The following NDUFAF6 variants were observed in gnomAD, a reference collection of about 807,000 sequenced individuals.
NDUFAF6 encodes NADH dehydrogenase (ubiquinone) complex I, assembly factor 6.
NDUFAF6 carries 45 observed loss-of-function variants against 40.8 expected under a neutral mutation model. The observed-to-expected ratio is 1.10, with a 90% CI of 0.87 to 1.42. The LOEUF (loss-of-function observed/expected upper bound fraction) is 1.42, where lower values mean the gene tolerates loss of function less well. NDUFAF6 is among the 40% of genes most tolerant of loss of function. The pLI, the probability that NDUFAF6 is intolerant of heterozygous loss-of-function variation, is 0.00. For synonymous variants in NDUFAF6, 185 were observed against 155.9 expected (o/e 1.19, Z -1.39); for missense variants, 435 against 418.5 (o/e 1.04, Z -0.34).
intron 8 of NDUFAF6, among the ~76,000 whole-genome samples, chr8:95,057,300 G>A (rs1182793342): frequency 6.6e-6 from 1 of 152,212 alleles, no homozygotes; most frequent in Non-Finnish European, 1.5e-5. Flanking sequence ...CAAGTTTTTT[G>A]TGGTGGGGAA....
intron 1 of NDUFAF6, among the ~76,000 whole-genome samples, chr8:94,934,723 A>T (rs1015550231): frequency 5.3e-5 from 8 of 152,132 alleles, no homozygotes; most frequent in Non-Finnish European, 1.2e-4. Context: ...GTAAAATCAT[A>T]ATCAGAAGGG....
chr8:95,066,443 CTT>C (rs969749662), intron 9 of NDUFAF6, among the ~76,000 whole-genome samples: 1 of 151,560 alleles, frequency 6.6e-6, no homozygotes, highest in African/African-American at 2.4e-5. Context: ...AAGGAAATCA[CTT>C]TTAAAAAAAA....
At chr8:94,923,699 A>G (rs1231954792) in intron 1 of NDUFAF6, among the ~76,000 whole-genome samples, 2 of 137,076 alleles carry the variant, frequency 1.5e-5, no homozygotes, top group Non-Finnish European at 3.1e-5. Flanking sequence ...TTTTTTTTTG[A>G]GACAGAGTCT....
chr8:95,089,739 G>T (rs1809187561), intron 2 of NDUFAF6, among the ~76,000 whole-genome samples: 2 of 152,172 alleles, frequency 1.3e-5, no homozygotes, highest in Admixed American at 6.5e-5. Context: ...GAGGTCACTA[G>T]TTCACTGCCC....
At chr8:95,115,983 C>T (rs1010381729) in intron 5 of NDUFAF6, among the ~76,000 whole-genome samples, 1 of 152,068 alleles carries the variant, frequency 6.6e-6, no homozygotes, top group African/African-American at 2.4e-5. Flanking sequence ...ACCAAAAACA[C>T]ACAAATTAGC....
intron 1 of NDUFAF6, among the ~76,000 whole-genome samples, chr8:94,976,255 C>T (rs1178917481): frequency 6.6e-6 from 1 of 150,930 alleles, no homozygotes; most frequent in Non-Finnish European, 1.5e-5. Flanking sequence ...CCTGTAATCC[C>T]GGCACTTTGG....
At chr8:95,000,078 G>A (rs1378688883) in intron 2 of NDUFAF6, among the ~76,000 whole-genome samples, 2 of 151,690 alleles carry the variant, frequency 1.3e-5, no homozygotes, top group African/African-American at 2.4e-5. Context: ...AGCTGGGTGC[G>A]GTAATCCCAG....
At chr8:94,914,914 T>G (rs939535593) in intron 1 of NDUFAF6, among the ~76,000 whole-genome samples, 5 of 152,176 alleles carry the variant, frequency 3.3e-5, no homozygotes, top group Admixed American at 1.3e-4. Flanking sequence ...TTATGTTTTA[T>G]TATTGCTATT....
At chr8:95,028,139 C>G (rs1328600481) in intron 1 of NDUFAF6, among the ~76,000 whole-genome samples, 1 of 152,202 alleles carries the variant, frequency 6.6e-6, no homozygotes, top group East Asian at 1.9e-4. Flanking sequence ...TCCTAATACC[C>G]CGTGTGCTTG....
At chr8:95,030,544 T>A (rs1212322767) in intron 1 of NDUFAF6, among the ~76,000 whole-genome samples, 1 of 152,188 alleles carries the variant, frequency 6.6e-6, no homozygotes, top group Non-Finnish European at 1.5e-5. Context: ...CTGTCATTAT[T>A]TTTTGATCCT....
intron 1 of NDUFAF6, chr8:94,939,719 T>C: frequency 3.3e-6 from 4 of 1,209,840 alleles, no homozygotes; most frequent in Non-Finnish European, 4.7e-6. Flanking sequence ...TTACGGACCA[T>C]CTTGTGTACT....
intron 2 of NDUFAF6, among the ~76,000 whole-genome samples, chr8:95,005,223 A>T (rs556768573): frequency 6.6e-6 from 1 of 152,232 alleles, no homozygotes; most frequent in African/African-American, 2.4e-5. Context: ...GGCCGAACGT[A>T]CAGTCACTCT....
intron 1 of NDUFAF6, among the ~76,000 whole-genome samples, chr8:94,962,616 GTTT>G (rs1289805308): frequency 2.0e-5 from 2 of 97,638 alleles, no homozygotes; most frequent in Non-Finnish European, 2.3e-5. Flanking sequence ...TTTGTTTTTT[GTTT>G]TTTTTTTTTT....
intron 1 of NDUFAF6, chr8:94,940,955 CTG>C: frequency 6.2e-7 from 1 of 1,601,006 alleles, no homozygotes; most frequent in Non-Finnish European, 8.5e-7. Context: ...TAAGGCAAGA[CTG>C]AGAGTTTGGC....
chr8:95,100,072 G>C (rs1372294488), upstream of NDUFAF6, among the ~76,000 whole-genome samples: 3 of 152,032 alleles, frequency 2.0e-5, no homozygotes, highest in Non-Finnish European at 2.9e-5. Flanking sequence ...ATCTCATCTA[G>C]AAATTGATTT....
intron 2 of NDUFAF6, among the ~76,000 whole-genome samples, chr8:94,998,314 C>G (rs1352031016): frequency 6.6e-6 from 1 of 151,676 alleles, no homozygotes; most frequent in Non-Finnish European, 1.5e-5. Context: ...TATCCTTGTC[C>G]CCAGATGACA....
At chr8:95,028,348 T>C (rs1161522745) in intron 1 of NDUFAF6, among the ~76,000 whole-genome samples, 1 of 152,224 alleles carries the variant, frequency 6.6e-6, no homozygotes, top group Non-Finnish European at 1.5e-5. Context: ...TAATCTCAGG[T>C]AACTGGATCT....
downstream of NDUFAF6, chr8:95,078,660 A>ATATATATATATATATATATAT (rs542717810): frequency 2.2e-4 from 13 of 58,586 alleles, no homozygotes; most frequent in African/African-American, 6.5e-4. Context: ...AAAAAAAAAA[A>ATATATATATATATATATATAT]AAATATATAT....
intron 2 of NDUFAF6, among the ~76,000 whole-genome samples, chr8:94,946,277 C>T (rs1821983136): frequency 1.3e-5 from 2 of 152,100 alleles, no homozygotes; most frequent in African/African-American, 4.8e-5. Flanking sequence ...GAGTCTAATA[C>T]TCACGGGGAA....
Sources: allele counts gnomAD v4.1 joint callset (sites outside exome capture counted in the v4.1 genomes callset), GRCh38; gene constraint gnomAD v4.1.1; transcripts MANE v1.5; gene names NCBI Gene and HGNC (gene_info 2026-07-23, HGNC 2026-07-21).